The following MCU variants were observed in gnomAD, a reference collection of about 807,000 sequenced individuals.
MCU encodes mitochondrial calcium uniporter.
A neutral mutation model predicts 45.2 loss-of-function variants in MCU; 12 were observed. The ratio of observed to expected loss-of-function variants is 0.27; its 90% CI spans 0.17 to 0.43. The LOEUF is 0.43. MCU is among the 20% of genes least tolerant of loss of function. MCU has a pLI of 1.00. For synonymous variants in MCU, 160 were observed against 165.1 expected, an observed-to-expected ratio of 0.97 and a Z score of 0.24; for missense variants, 324 against 436.7, an observed-to-expected ratio of 0.74 and a Z score of 2.30.
intron 5 of MCU, among the ~76,000 whole-genome samples, chr10:72,869,789 G>A (rs1382076071): frequency 6.6e-6 from 1 of 152,064 alleles, no homozygotes; most frequent in African/African-American, 2.4e-5. Flanking sequence ...TAACATCTAT[G>A]TATTTTGATA....
intron 6 of MCU, 25 bp downstream of exon 6, chr10:72,871,605 T>C (rs1434355255): frequency 6.3e-7 from 1 of 1,581,240 alleles, no homozygotes; most frequent in Non-Finnish European, 8.7e-7. Flanking sequence ...CAAGTAACTT[T>C]TTATGAGATA....
rs752889903 is a variant in MCU at position 72,806,815 on chromosome 10, CAA to C, written c.151-27540_151-27539del. Among the ~76,000 whole-genome samples the C allele has an allele frequency of 2.0e-5, 3 of 152,108 alleles. No individual in the cohort carries two copies. The East Asian group carries it at 5.8e-4, about 29-fold the overall frequency. ...GAATGATGAGAAGGAACCAATCATG[CAA>C]AAAGAATCTATGGAAGGAATACTTC... On this transcript the variant is annotated intron_variant, in intron 1 of 7. Transcript: ENST00000373053.
intron 1 of MCU, among the ~76,000 whole-genome samples, chr10:72,815,568 T>C (rs1297730546): frequency 6.6e-6 from 1 of 152,194 alleles, no homozygotes; most frequent in Non-Finnish European, 1.5e-5. Flanking sequence ...AGAAACAATG[T>C]TAGAAAACAA....
chr10:72,755,146 A>ATT lies in MCU; in HGVS notation c.150+62864_150+62865dup, dbSNP rs11397520. Among the ~76,000 whole-genome samples, 816 of 123,566 alleles carry ATT rather than the reference A, an allele frequency of 6.6e-3. 11 individuals carry two copies. The highest frequency in any genetic ancestry group is 0.013 in the South Asian group (50 of 3,798). The allele number at this position is 123,566 out of a possible 152,430, so 81.1% of individuals were successfully genotyped here. ...TTCTTACTAGATATGTGAACCTGAG[A>ATT]TTTTTTTTTTTTTTTTTTTTGAGGC... On this transcript the variant is annotated intron_variant, in intron 1 of 7. Coordinates refer to ENST00000373053, the MANE Select transcript of MCU (RefSeq NM_138357.3).
chr10:72,747,512 C>T (rs562383504), intron 1 of MCU, among the ~76,000 whole-genome samples: 4 of 152,134 alleles, frequency 2.6e-5, no homozygotes, highest in East Asian at 1.9e-4. Flanking sequence ...ATTGGTAATA[C>T]AAAAATTATT....
intron 1 of MCU, among the ~76,000 whole-genome samples, chr10:72,769,022 T>TA (rs1265115015): frequency 6.6e-6 from 1 of 151,954 alleles, no homozygotes; most frequent in Non-Finnish European, 1.5e-5. Flanking sequence ...CAGCTAATTT[T>TA]TTTTTTTTCT....
intron 1 of MCU, among the ~76,000 whole-genome samples, chr10:72,828,930 C>T (rs1844837088): frequency 6.6e-6 from 1 of 152,138 alleles, no homozygotes; most frequent in African/African-American, 2.4e-5. Context: ...TCTCAAGTTA[C>T]TTATTAAAGA....
intron 1 of MCU, among the ~76,000 whole-genome samples, chr10:72,749,942 CTT>C (rs761722638): frequency 9.3e-5 from 13 of 139,178 alleles, no homozygotes; most frequent in Admixed American, 1.4e-4. Context: ...AATTTTTGTA[CTT>C]TTTTTTTTTT....
chr10:72,699,283 G>C (rs1564531897), intron 1 of MCU, among the ~76,000 whole-genome samples: 1 of 152,112 alleles, frequency 6.6e-6, no homozygotes, highest in South Asian at 2.1e-4. Flanking sequence ...GAGGCGGGCG[G>C]ATCATGAGGT....
intron 1 of MCU, among the ~76,000 whole-genome samples, chr10:72,713,344 A>G (rs1055502974): frequency 1.1e-4 from 16 of 152,146 alleles, no homozygotes; most frequent in African/African-American, 3.6e-4. Flanking sequence ...CAGTGGCGCA[A>G]TCTCGGCTCA....
chr10:72,854,591 G>A (rs1309015272), intron 2 of MCU, among the ~76,000 whole-genome samples: 4 of 152,172 alleles, frequency 2.6e-5, no homozygotes, highest in Admixed American at 6.5e-5. Context: ...TGGTAAAGAT[G>A]TATAACATAG....
intron 1 of MCU, chr10:72,692,883 C>T (rs866721399): frequency 1.9e-5 from 28 of 1,462,102 alleles, no homozygotes; most frequent in Admixed American, 2.5e-5. Context: ...GTGACTTCCT[C>T]TGTGTGTGTG....
intron 1 of MCU, among the ~76,000 whole-genome samples, chr10:72,713,621 G>A (rs1261014651): frequency 1.3e-5 from 2 of 152,204 alleles, no homozygotes; most frequent in Non-Finnish European, 2.9e-5. Flanking sequence ...TAGGTATGGG[G>A]AGAGGAGATA....
At chr10:72,727,102 T>G (rs917057391) in intron 1 of MCU, among the ~76,000 whole-genome samples, 1 of 152,168 alleles carries the variant, frequency 6.6e-6, no homozygotes, top group African/African-American at 2.4e-5. Flanking sequence ...GGGTATCCAC[T>G]TGGTTGCAAG....
At chr10:72,706,725 C>T (rs1031985678) in intron 1 of MCU, among the ~76,000 whole-genome samples, 3 of 150,518 alleles carry the variant, frequency 2.0e-5, no homozygotes, top group East Asian at 3.9e-4. Flanking sequence ...GTAGTAGAGA[C>T]GGGGTTTCAC....
intron 1 of MCU, among the ~76,000 whole-genome samples, chr10:72,789,381 A>G (rs984230068): frequency 3.9e-5 from 6 of 152,174 alleles, no homozygotes; most frequent in African/African-American, 1.4e-4. Flanking sequence ...TAATTATAAT[A>G]TAACATTCCC....
chr10:72,736,020 G>C (rs769308420), intron 1 of MCU, among the ~76,000 whole-genome samples: 1 of 152,138 alleles, frequency 6.6e-6, no homozygotes, highest in Non-Finnish European at 1.5e-5. Flanking sequence ...GTAAACACTT[G>C]TTTCTTGGCT....
At chr10:72,812,770 A>G (rs1483165705) in intron 1 of MCU, among the ~76,000 whole-genome samples, 1 of 152,152 alleles carries the variant, frequency 6.6e-6, no homozygotes, top group Non-Finnish European at 1.5e-5. Flanking sequence ...TCTTCAAACC[A>G]TTACTGCTTT....
chr10:72,727,664 A>G (rs1843118802), intron 1 of MCU, among the ~76,000 whole-genome samples: 1 of 152,140 alleles, frequency 6.6e-6, no homozygotes, highest in Admixed American at 6.5e-5. Flanking sequence ...GTGTAGCAGT[A>G]GGAAGTTTTT....
Sources: allele counts gnomAD v4.1 joint callset (sites outside exome capture counted in the v4.1 genomes callset), GRCh38; gene constraint gnomAD v4.1.1; transcripts MANE v1.5; gene names NCBI Gene and HGNC (gene_info 2026-07-23, HGNC 2026-07-21).